Variants in PAM observed in about 807,000 individuals in gnomAD.
The protein encoded by PAM is peptidylglycine alpha-amidating monooxygenase.
A neutral mutation model predicts 122.1 loss-of-function variants in PAM; 72 were observed. The observed-to-expected ratio is 0.59, with a 90% CI of 0.49 to 0.72. PAM has a LOEUF of 0.72. PAM is among the 30% of genes least tolerant of loss of function. PAM has a pLI of 0.00. For synonymous variants in PAM, 389 were observed against 404.4 expected, an observed-to-expected ratio of 0.96 and a Z score of 0.46; for missense variants, 1,106 against 1,183.7, an observed-to-expected ratio of 0.93 and a Z score of 0.96.
intron 3 of PAM, among the ~76,000 whole-genome samples, chr5:102,889,428 G>A (rs1303052540): frequency 1.3e-5 from 2 of 151,798 alleles, no homozygotes; most frequent in Non-Finnish European, 2.9e-5. Context: ...TTGGCTCTTA[G>A]GTTTTTGGGT....
In PAM at chr5:102,780,855, C is replaced by CTT. The variant is rs780870662; in HGVS notation, c.-374+25508_-374+25509insTT. On this transcript the variant is annotated intron_variant, in intron 1 of 25. Coordinates refer to ENST00000438793, the MANE Select transcript of PAM (RefSeq NM_001177306.2). ...TCTTTCTCTGTCTTTCTCTCTCTCT[C>CTT]TCTCTTTCTTTCTTTCTCCTTTCAT... 1.1e-4 allele frequency among the ~76,000 whole-genome samples: 15 copies of CTT among 142,338 alleles called. 2 individuals are homozygous for CTT. Among genetic ancestry groups the CTT allele is most frequent in the Non-Finnish European group, 1.7e-4 (11 of 65,452 alleles). The allele number at this position is 142,338 out of a possible 152,430, so 93.4% of individuals were successfully genotyped here. A position where few individuals can be genotyped will look rare whatever the true frequency, so the allele number is the denominator to read the frequency against.
At chr5:102,855,419 G>T (rs1484466784) in intron 1 of PAM, among the ~76,000 whole-genome samples, 2 of 151,604 alleles carry the variant, frequency 1.3e-5, no homozygotes, top group Admixed American at 6.6e-5. Context: ...CATTTGAAAT[G>T]GAAAACATAA....
intron 1 of PAM, among the ~76,000 whole-genome samples, chr5:102,757,900 G>A (rs1750940604): frequency 6.6e-6 from 1 of 151,324 alleles, no homozygotes; most frequent in South Asian, 2.1e-4. Flanking sequence ...AAAAAAGCCA[G>A]GTGTGGTGGT....
At chr5:102,866,361 C>A in intron 2 of PAM, 77 bp downstream of exon 2, 1 of 901,028 alleles carries the variant, frequency 1.1e-6, no homozygotes, top group Non-Finnish European at 1.8e-6. Flanking sequence ...TGAGTGTTGG[C>A]AAAATAGACG....
chr5:102,869,419 G>A (rs1786659161), intron 3 of PAM, among the ~76,000 whole-genome samples: 1 of 152,180 alleles, frequency 6.6e-6, no homozygotes, highest in South Asian at 2.1e-4. Flanking sequence ...CACTACTTAT[G>A]CAGTGTTCAG....
At chr5:102,796,671 G>A (rs1056864068) in intron 1 of PAM, among the ~76,000 whole-genome samples, 3 of 151,788 alleles carry the variant, frequency 2.0e-5, no homozygotes, top group African/African-American at 4.8e-5. Flanking sequence ...ATTTTCTTTC[G>A]TTTGCTCATC....
chr5:102,970,935 T>C (rs1765627796), intron 14 of PAM, among the ~76,000 whole-genome samples: 2 of 152,126 alleles, frequency 1.3e-5, no homozygotes, highest in South Asian at 4.1e-4. Flanking sequence ...GCCTCCTAAG[T>C]AGCTGGGATT....
intron 15 of PAM, among the ~76,000 whole-genome samples, chr5:102,981,673 C>T (rs1769930049): frequency 6.6e-6 from 1 of 152,180 alleles, no homozygotes; most frequent in African/African-American, 2.4e-5. Context: ...CAGTTCTGAG[C>T]TCTGAGAACG....
chr5:102,924,693 A>C (rs749122509), intron 5 of PAM, among the ~76,000 whole-genome samples: 1 of 152,116 alleles, frequency 6.6e-6, no homozygotes, highest in Non-Finnish European at 1.5e-5. Flanking sequence ...GAACATATCA[A>C]AGTAAAAATT....
At chr5:102,980,937 A>AT (rs1012341108) in intron 15 of PAM, among the ~76,000 whole-genome samples, 2 of 152,162 alleles carry the variant, frequency 1.3e-5, no homozygotes, top group Non-Finnish European at 2.9e-5. Context: ...GACTTCATAC[A>AT]TTTTTTTACA....
intron 1 of PAM, among the ~76,000 whole-genome samples, chr5:102,788,032 AC>A (rs1175840736): frequency 1.3e-5 from 2 of 152,106 alleles, no homozygotes; most frequent in Non-Finnish European, 2.9e-5. Context: ...CCGTAAAAAT[AC>A]TTGAGGAAAG....
chr5:102,774,388 G>A (rs1285455737), intron 1 of PAM, among the ~76,000 whole-genome samples: 2 of 152,028 alleles, frequency 1.3e-5, no homozygotes, highest in Admixed American at 6.6e-5. Flanking sequence ...ATAGTGTGGG[G>A]ATTAAGAGAG....
At chr5:102,914,111 T>A in intron 5 of PAM, 90 bp downstream of exon 5, 1 of 728,404 alleles carries the variant, frequency 1.4e-6, no homozygotes, top group Non-Finnish European at 2.5e-6. Flanking sequence ...TACAACTAGT[T>A]AATAAATAGG....
intron 14 of PAM, among the ~76,000 whole-genome samples, chr5:102,967,746 TG>T (rs1292485160): frequency 6.6e-6 from 1 of 150,478 alleles, no homozygotes. Context: ...GATGGAGTCT[TG>T]CACTGTCGCC....
At chr5:103,028,842 T>C (rs777569288) in intron 25 of PAM, 45 bp from the exon 26 acceptor site, 105 of 1,304,876 alleles carry the variant, frequency 8.0e-5, no homozygotes, top group Non-Finnish European at 1.1e-4. Flanking sequence ...TAACAGACAT[T>C]GCTGCAAACT....
At chr5:102,999,340 C>T (rs1776664087) in intron 16 of PAM, among the ~76,000 whole-genome samples, 1 of 152,236 alleles carries the variant, frequency 6.6e-6, no homozygotes, top group Non-Finnish European at 1.5e-5. Context: ...TTGGGCAGCT[C>T]CATCCCTGTG....
At chr5:102,847,910 G>C (rs1780347374) in intron 1 of PAM, among the ~76,000 whole-genome samples, 1 of 152,124 alleles carries the variant, frequency 6.6e-6, no homozygotes, top group Non-Finnish European at 1.5e-5. Context: ...TTCTATTATA[G>C]CAAGAATAAG....
intron 1 of PAM, among the ~76,000 whole-genome samples, chr5:102,811,886 A>G (rs948143387): frequency 2.0e-5 from 3 of 152,252 alleles, no homozygotes; most frequent in Non-Finnish European, 4.4e-5. Context: ...ACTCTTAGGT[A>G]CAGATGGGAG....
chr5:102,904,332 T>C (rs2151443806), intron 4 of PAM, among the ~76,000 whole-genome samples: 1 of 151,744 alleles, frequency 6.6e-6, no homozygotes, highest in East Asian at 1.9e-4. Context: ...CACTTAATGA[T>C]TTTATACCTT....
Sources: gnomAD v4.1 joint callset for allele counts (sites outside exome capture counted in the v4.1 genomes callset) on GRCh38, gnomAD v4.1.1 for gene constraint, MANE v1.5 for transcripts, NCBI Gene and HGNC (gene_info 2026-07-23, HGNC 2026-07-21) for gene names.